Variants in PDLIM5 observed in about 807,000 individuals in gnomAD.
PDLIM5 encodes the protein PDZ and LIM domain protein 5.
In PDLIM5, 34 loss-of-function variants were observed where a neutral mutation model predicts 64.2. That is an observed-to-expected ratio of 0.53 (90% confidence interval 0.40 to 0.71). The LOEUF (loss-of-function observed/expected upper bound fraction) is 0.71. Among genes scored for constraint, PDLIM5 ranks in the 30% least tolerant of loss-of-function variants. The pLI is 0.00. For synonymous variants in PDLIM5, 253 were observed against 269.1 expected (o/e 0.94, Z 0.59); for missense variants, 683 against 733.6 (o/e 0.93, Z 0.80).
intron 3 of PDLIM5, among the ~76,000 whole-genome samples, chr4:94,553,167 C>G (rs1359306467): frequency 1.3e-5 from 2 of 151,996 alleles, no homozygotes; most frequent in Non-Finnish European, 2.9e-5. Flanking sequence ...CTCTGATGCC[C>G]AGGCTGGAGT....
At chr4:94,483,856 A>T (rs1330283941) in intron 2 of PDLIM5, among the ~76,000 whole-genome samples, 1 of 152,190 alleles carries the variant, frequency 6.6e-6, no homozygotes, top group African/African-American at 2.4e-5. Context: ...TGTCTTTGTT[A>T]TATTTATCTT....
intron 11 of PDLIM5, among the ~76,000 whole-genome samples, chr4:94,659,354 A>C (rs1742468917): frequency 6.6e-6 from 1 of 152,104 alleles, no homozygotes; most frequent in South Asian, 2.1e-4. Flanking sequence ...ACTAAAGCTA[A>C]CTAAAGCTAA....
intron 2 of PDLIM5, among the ~76,000 whole-genome samples, chr4:94,471,391 T>A (rs1560637035): frequency 2.7e-5 from 4 of 146,494 alleles, no homozygotes; most frequent in Non-Finnish European, 6.0e-5. Flanking sequence ...TTTCTAGGCT[T>A]AAAAAAAAAA....
intron 3 of PDLIM5, among the ~76,000 whole-genome samples, chr4:94,537,175 G>A (rs1254497075): frequency 6.6e-6 from 1 of 151,918 alleles, no homozygotes; most frequent in Non-Finnish European, 1.5e-5. Flanking sequence ...ATATAGTAAG[G>A]GTTCATTTCC....
chr4:94,457,071 A>AAT, intron 2 of PDLIM5: 1 of 829,972 alleles, frequency 1.2e-6, no homozygotes, highest in Non-Finnish European at 1.5e-6. Context: ...TGTATGTATA[A>AAT]ATATATATAC....
chr4:94,546,465 T>A (rs1273872384), intron 3 of PDLIM5, among the ~76,000 whole-genome samples: 1 of 152,158 alleles, frequency 6.6e-6, no homozygotes, highest in African/African-American at 2.4e-5. Context: ...CACATTCACT[T>A]CTTAAATTGT....
chr4:94,465,920 G>T (rs1319482389), intron 2 of PDLIM5, among the ~76,000 whole-genome samples: 1 of 144,722 alleles, frequency 6.9e-6, no homozygotes, highest in Non-Finnish European at 1.5e-5. Flanking sequence ...TTGTGTATGT[G>T]TGTGTATGTG....
At chr4:94,567,215 G>T (rs181169644) in intron 3 of PDLIM5, among the ~76,000 whole-genome samples, 1 of 152,112 alleles carries the variant, frequency 6.6e-6, no homozygotes, top group Non-Finnish European at 1.5e-5. Context: ...GGATGATCTC[G>T]ATCTCCTGAC....
intron 8 of PDLIM5, among the ~76,000 whole-genome samples, chr4:94,637,226 A>G (rs1286248059): frequency 6.6e-6 from 1 of 152,196 alleles, no homozygotes; most frequent in African/African-American, 2.4e-5. Flanking sequence ...AAAAAGTGGT[A>G]CTAATAACAA....
Position 94,551,070 on chromosome 4 carries a change from T to C in PDLIM5, c.249-22281T>C, listed in dbSNP as rs550722403. The stretch of plus-strand genomic sequence containing the variant: ...AATTTTGAAGAACAAGATGAAAGGA[T>C]ACCCAATTATGTATCACAGTATAAA... On this transcript the variant is annotated intron_variant, in intron 3 of 12. Coordinates refer to ENST00000317968, the MANE Select transcript of PDLIM5 (RefSeq NM_006457.5). 2.6e-5 allele frequency among the ~76,000 whole-genome samples: 4 copies of C among 152,230 alleles called. No homozygotes were observed. In the South Asian group the frequency reaches 8.3e-4, roughly 32 times the overall value.
intron 3 of PDLIM5, among the ~76,000 whole-genome samples, chr4:94,531,101 T>G (rs926224744): frequency 6.6e-6 from 1 of 152,218 alleles, no homozygotes; most frequent in African/African-American, 2.4e-5. Flanking sequence ...TCATCCCATT[T>G]GAAGTTACTT....
rs539208718 is a variant in PDLIM5, at chr4:94,614,048, C to T, written c.921-3956C>T. On this transcript the variant is annotated intron_variant, in intron 7 of 12. Transcript: ENST00000317968. ...TGCGATCTCAGTTCACTGCAACCTC[C>T]GCCTCGCGGGTTCAAGTGATTCTCC... 1.7e-4 allele frequency among the ~76,000 whole-genome samples: 26 copies of T among 151,130 alleles called. 1 individual carries two copies. In the South Asian group the frequency reaches 4.4e-3, roughly 26 times the overall value.
At chr4:94,475,789 A>G (rs916442660) in intron 2 of PDLIM5, among the ~76,000 whole-genome samples, 1 of 152,174 alleles carries the variant, frequency 6.6e-6, no homozygotes, top group Admixed American at 6.5e-5. Context: ...AAAAAATAGT[A>G]TCATATTTAC....
At chr4:94,585,107 G>T in intron 5 of PDLIM5, 1 of 664,552 alleles carries the variant, frequency 1.5e-6, no homozygotes. Context: ...TTGTTTTTTT[G>T]TGAAACAGAG....
chr4:94,581,669 C>T (rs1379521102), intron 5 of PDLIM5, among the ~76,000 whole-genome samples: 1 of 152,116 alleles, frequency 6.6e-6, no homozygotes, highest in Non-Finnish European at 1.5e-5. Context: ...GGCAGTTTTT[C>T]TTACTATGTT....
At chr4:94,657,934 G>A (rs896505580) in intron 11 of PDLIM5, among the ~76,000 whole-genome samples, 6 of 152,130 alleles carry the variant, frequency 3.9e-5, no homozygotes, top group African/African-American at 7.2e-5. Context: ...TCGAACTCCC[G>A]ACGTCAGGTG....
At chr4:94,545,738 G>C (rs1732254362) in intron 3 of PDLIM5, among the ~76,000 whole-genome samples, 1 of 152,114 alleles carries the variant, frequency 6.6e-6, no homozygotes, top group South Asian at 2.1e-4. Context: ...AAAACAAACT[G>C]CCCTAGTCTA....
At chr4:94,455,573 TTAAC>T (rs1205467525) in intron 2 of PDLIM5, 189 bp downstream of exon 2, 1 of 631,188 alleles carries the variant, frequency 1.6e-6, no homozygotes, top group Non-Finnish European at 2.7e-6. Flanking sequence ...TGACTTCAAT[TTAAC>T]TTCTTTTCGT....
At chr4:94,631,393 A>G (rs553698693) in intron 8 of PDLIM5, among the ~76,000 whole-genome samples, 1 of 152,348 alleles carries the variant, frequency 6.6e-6, no homozygotes, top group South Asian at 2.1e-4. Flanking sequence ...TTTACAGAAT[A>G]CATGAAGGGC....
Sources: gnomAD v4.1 joint callset for allele counts (sites outside exome capture counted in the v4.1 genomes callset) on GRCh38, gnomAD v4.1.1 for gene constraint, MANE v1.5 for transcripts, NCBI Gene and HGNC (gene_info 2026-07-23, HGNC 2026-07-21) for gene names.